Variants in ZNF862 observed in about 807,000 individuals in gnomAD.
ZNF862 encodes zinc finger protein 862.
Under a neutral mutation model 91.1 loss-of-function variants are expected in ZNF862, and 64 were observed. The observed-to-expected ratio is 0.70, with a 90% confidence interval of 0.57 to 0.87. The LOEUF (loss-of-function observed/expected upper bound fraction) is 0.87. Among genes scored for constraint, ZNF862 ranks in the 40% least tolerant of loss-of-function variants. The pLI is 0.00. For missense variants in ZNF862, 1,459 were observed against 1,528.0 expected, an observed-to-expected ratio of 0.95 and a Z score of 0.75; for synonymous variants, 631 against 618.1, an observed-to-expected ratio of 1.02 and a Z score of -0.31.
At chr7:149,847,669 C>T (rs2128937107) in intron 3 of ZNF862, 66 bp from the exon 4 acceptor site, 1 of 1,100,576 alleles carries the variant, frequency 9.1e-7, no homozygotes, top group Middle Eastern at 2.4e-4. Flanking sequence ...CCTCAGAGCC[C>T]CTGTGAGTTG....
chr7:149,844,800 C>A, intron 2 of ZNF862, 64 bp downstream of exon 2: 1 of 1,102,948 alleles, frequency 9.1e-7, no homozygotes, highest in Non-Finnish European at 1.3e-6. Flanking sequence ...ACCTCATCTG[C>A]GTCAGGAACA....
At position 149,861,278 on chromosome 7, in the gene ZNF862, A is replaced by G. The variant is rs549646326; in HGVS notation, c.2118A>G (p.Gly706=). The change falls in exon 7 of 8, where the codon GGA becomes GGG. Residue 706 remains glycine, a synonymous_variant. Transcript: ENST00000223210. The surrounding 1 kb of genome is among the most constrained non-coding windows in gnomAD (Gnocchi z 6.7). ...TDGSAMLSCR[G]GLVEKFQEVI... ...GCTCAGCCATGTTGAGCTGCAGAGG[A>G]GGCCTTGTGGAAAAGTTCCAGGAGG... The G allele has an allele frequency of 2.5e-6, 4 of 1,612,412 alleles. No homozygotes were observed. The Admixed American group carries it at 6.7e-5, about 27-fold the overall frequency.
Position 149,864,205 on chromosome 7 carries a change from T to C in ZNF862, c.3431T>C (p.Val1144Ala), listed in dbSNP as rs752008218. 6.3e-7 allele frequency: 1 copy of C among 1,598,934 alleles called. No homozygotes were observed. Among genetic ancestry groups the C allele is most frequent in the South Asian group, 1.1e-5 (1 of 88,072 alleles). Residue 1144 changes from valine to alanine, a missense_variant, in exon 8 of 8, where the codon GTT becomes GCT. By Grantham distance (64) the Val-to-Ala change is moderately conservative. Coordinates refer to ENST00000223210, the MANE Select transcript of ZNF862 (RefSeq NM_001099220.3). Reference sequence around the variant, plus strand: ...CTGCCCTCCAGGGAAGCAGCGGAGGTTCTGAAGGACTGCATCATGGAGCCT... The same window carrying C: ...CTGCCCTCCAGGGAAGCAGCGGAGGCTCTGAAGGACTGCATCATGGAGCCT... ...PILPSREAAE[V>A]LKDCIMEPPE...
intron 7 of ZNF862, 24 bp downstream of exon 7, chr7:149,862,518 C>T (rs1441889253): frequency 1.3e-6 from 2 of 1,551,134 alleles, no homozygotes; most frequent in Middle Eastern, 1.7e-4. Context: ...GCAGAGCTCC[C>T]CCAAGGCAGC....
At chr7:149,852,256 A>G (rs148138760) in intron 5 of ZNF862, 2 of 151,976 alleles carry the variant, frequency 1.3e-5, no homozygotes, top group African/African-American at 4.8e-5. Context: ...CTCCATAACA[A>G]ATGCTCTAAG....
intron 1 of ZNF862, among the ~76,000 whole-genome samples, chr7:149,839,984 T>G (rs528026715): frequency 1.3e-5 from 2 of 152,184 alleles, no homozygotes; most frequent in African/African-American, 4.8e-5. Flanking sequence ...AGAGGCTTTC[T>G]TAGCCTTTAA....
chr7:149,838,466 G>A lies in ZNF862; in HGVS notation c.-146G>A, dbSNP rs1444445663. 2 of 467,674 alleles carry A rather than the reference G, an allele frequency of 4.3e-6. No homozygotes were observed. Among genetic ancestry groups the A allele is most frequent in the African/African-American group, 2.0e-5 (1 of 50,016 alleles). 29.0% of individuals were successfully genotyped at this position (467,674 alleles called of 1,614,324 possible). On this transcript the variant is annotated 5_prime_UTR_variant, in exon 1 of 8. Coordinates refer to ENST00000223210, the MANE Select transcript of ZNF862 (RefSeq NM_001099220.3). ...CCGGCGCTACCGCCCCCCGACGTGA[G>A]AGAGCGAAGTTCTTGGGCCGCGCTC... is the stretch of plus-strand genomic sequence containing the variant.
chr7:149,844,447 A>T (rs1801804020), intron 1 of ZNF862, among the ~76,000 whole-genome samples, 178 bp from the exon 2 acceptor site: 1 of 152,156 alleles, frequency 6.6e-6, no homozygotes, highest in Non-Finnish European at 1.5e-5. Context: ...TTCCCAGAAG[A>T]AACGAGTCTC....
intron 3 of ZNF862, 122 bp from the exon 4 acceptor site, chr7:149,847,613 G>A (rs939872146): frequency 7.9e-6 from 5 of 633,992 alleles, no homozygotes; most frequent in African/African-American, 2.3e-5. Flanking sequence ...GTGTGTGTGT[G>A]TGTGTGTGTG....
At chr7:149,856,847 C>T (rs1345816120) in intron 5 of ZNF862, among the ~76,000 whole-genome samples, 3 of 152,216 alleles carry the variant, frequency 2.0e-5, no homozygotes, top group Non-Finnish European at 2.9e-5. Context: ...GGCCTTCTTT[C>T]TGTGACGCAT....
At position 149,862,383 on chromosome 7, in the gene ZNF862, G is replaced by T; in HGVS notation, c.3223G>T (p.Val1075Phe). 6.2e-7 allele frequency: 1 copy of T among 1,612,674 alleles called. No individual in the cohort carries two copies. The highest frequency in any genetic ancestry group is 1.3e-5 in the African/African-American group (1 of 75,032). ...GATGACAGCTGTGAACGGCGTGGCC[G>T]TCACGGAGTACGACCCCCAGCCCGC... ...LMMTAVNGVA[V>F]TEYDPQPAIQ... Residue 1075 changes from valine to phenylalanine, a missense_variant, in exon 7 of 8, where the codon GTC (valine) becomes TTC (phenylalanine). Coordinates refer to ENST00000223210, the MANE Select transcript of ZNF862 (RefSeq NM_001099220.3).
At chr7:149,844,096 C>T (rs960701780) in intron 1 of ZNF862, among the ~76,000 whole-genome samples, 1 of 152,094 alleles carries the variant, frequency 6.6e-6, no homozygotes. Context: ...ATCTGGAACT[C>T]CTCCAAACAC....
rs779126021 is a variant in ZNF862, at chr7:149,847,736, A to T, written c.243A>T (p.Gly81=). 2 of 1,603,680 alleles carry T rather than the reference A, an allele frequency of 1.2e-6. No homozygotes were observed. Among genetic ancestry groups the T allele is most frequent in the Non-Finnish European group, 1.7e-6 (2 of 1,175,464 alleles). ...GQRSLLEHHP[G]KKQMGYMGEM... ...ATCCCTTCTGTCTCTTCTCTAAAGGAAAAAAACAGATGGGCTACATGGGAG... is the reference window on the plus strand; with the variant it reads ...ATCCCTTCTGTCTCTTCTCTAAAGGTAAAAAACAGATGGGCTACATGGGAG... The change falls in exon 4 of 8, where the codon GGA becomes GGT. Residue 81 remains glycine, a splice_region_variant and synonymous_variant. Coordinates refer to ENST00000223210, the MANE Select transcript of ZNF862 (RefSeq NM_001099220.3).
chr7:149,846,988 C>G (rs115226546), intron 3 of ZNF862, among the ~76,000 whole-genome samples: 2 of 152,338 alleles, frequency 1.3e-5, no homozygotes, highest in African/African-American at 4.8e-5. Context: ...GTTGGCCTGG[C>G]ACAAAAATGT....
chr7:149,843,664 C>T (rs952044471), intron 1 of ZNF862, among the ~76,000 whole-genome samples: 10 of 152,164 alleles, frequency 6.6e-5, no homozygotes, highest in African/African-American at 2.4e-4. Context: ...TGGTGGAAGA[C>T]CGAAAATGTA....
chr7:149,847,883 CAG>C lies in ZNF862; in HGVS notation c.391_392del (p.Arg131GlufsTer23). Reference sequence around the variant, plus strand: ...TCGAGGGAGACTGGGCCGGAAGAAACAGGAAACTTCTGAAGCCCCGGTCCATC... The same window carrying C: ...TCGAGGGAGACTGGGCCGGAAGAAACGAAACTTCTGAAGCCCCGGTCCATC... ...HIEGDWAGRN[R>X]KLLKPRSIQK... On this transcript the variant is annotated frameshift_variant, in exon 4 of 8. Transcript: ENST00000223210. LOFTEE classifies it high-confidence loss of function. 3 of 1,609,986 alleles carry C rather than the reference CAG, an allele frequency of 1.9e-6. No individual in the cohort carries two copies. Among genetic ancestry groups the C allele is most frequent in the Non-Finnish European group, 1.7e-6 (2 of 1,178,016 alleles).
rs959046925 is a variant in ZNF862, at chr7:149,838,545, G to T, written c.-67G>T. 6 of 1,114,348 alleles carry T rather than the reference G, an allele frequency of 5.4e-6. No homozygotes were observed. The highest frequency in any genetic ancestry group is 6.8e-6 in the Non-Finnish European group (6 of 880,370). 69.0% of individuals were successfully genotyped at this position (1,114,348 alleles called of 1,614,324 possible). ...GGGAGCCTGGGTCCCCGGGGCGGTCGCGGCGGCTGCATCCTCAGGCCAGGC... is the reference window on the plus strand; with the variant it reads ...GGGAGCCTGGGTCCCCGGGGCGGTCTCGGCGGCTGCATCCTCAGGCCAGGC... On this transcript the variant is annotated 5_prime_UTR_variant, in exon 1 of 8. Transcript: ENST00000223210.
At position 149,848,438 on chromosome 7, in the gene ZNF862, AC is replaced by A. The variant is rs1449969048; in HGVS notation, c.939+7del. 6.7e-7 allele frequency: 1 copy of A among 1,503,712 alleles called. No individual in the cohort carries two copies. Among genetic ancestry groups the A allele is most frequent in the Admixed American group, 2.2e-5 (1 of 45,964 alleles). 93.1% of individuals were successfully genotyped at this position (1,503,712 alleles called of 1,614,324 possible). A position where few individuals can be genotyped will look rare whatever the true frequency, so the allele number is the denominator to read the frequency against. ...CAGTAGAATCCTGCATTCAGGTAAT[AC>A]GTTTATAATGATTGCTGTATCTTAC... is the stretch of plus-strand genomic sequence containing the variant. On this transcript the variant is annotated splice_region_variant and intron_variant, in intron 4 of 7. Transcript: ENST00000223210.
At chr7:149,840,187 T>TAAAAAAAAAAAAAAAAAAAAAGAAA (rs1801652061) in intron 1 of ZNF862, among the ~76,000 whole-genome samples, 1 of 41,246 alleles carries the variant, frequency 2.4e-5, no homozygotes, top group Admixed American at 4.3e-4. Context: ...GCTTAAAAAG[T>TAAAAAAAAAAAAAAAAAAAAAGAAA]AAAAAAAAAA....
Sources: gnomAD v4.1 joint callset for allele counts (sites outside exome capture counted in the v4.1 genomes callset) on GRCh38, gnomAD v4.1.1 for gene constraint, Gnocchi (gnomAD v3.1) non-coding constraint, MANE v1.5 for transcripts, NCBI Gene and HGNC (gene_info 2026-07-23, HGNC 2026-07-21) for gene names.